USP33: variants seen among roughly 807,000 people sequenced by gnomAD.
The protein encoded by USP33 is ubiquitin carboxyl-terminal hydrolase 33.
In USP33, 46 loss-of-function variants were observed where a neutral mutation model predicts 124.2. That is an observed-to-expected ratio of 0.37 (90% CI 0.29 to 0.47). The LOEUF is 0.47. USP33 is among the 20% of genes least tolerant of loss of function. The pLI is 0.99. For synonymous variants in USP33, 350 were observed against 352.3 expected, an observed-to-expected ratio of 0.99 and a Z score of 0.07; for missense variants, 851 against 1,070.6, an observed-to-expected ratio of 0.79 and a Z score of 2.86.
At chr1:77,720,564 C>CTTA in intron 15 of USP33, 1 of 985,426 alleles carries the variant, frequency 1.0e-6, no homozygotes, top group East Asian at 1.1e-4. Context: ...TATCCCAGAT[C>CTTA]TTATTAGCAA....
At chr1:77,728,243 T>C in intron 10 of USP33, 52 bp downstream of exon 10, 2 of 1,492,416 alleles carry the variant, frequency 1.3e-6, no homozygotes, top group Non-Finnish European at 1.8e-6. Context: ...TAAACACCCA[T>C]GTCTACAAAT....
chr1:77,697,402 A>C lies in USP33; in HGVS notation c.2651T>G (p.Val884Gly). 6.2e-7 allele frequency: 1 copy of C among 1,613,466 alleles called. No homozygotes were observed. Among genetic ancestry groups the C allele is most frequent in the South Asian group, 1.1e-5 (1 of 90,888 alleles). Residue 884 changes from valine to glycine, a missense_variant, in exon 24 of 24, where the codon GTT (valine) becomes GGT (glycine). Val to Gly is a moderately radical substitution (Grantham distance 109). This residue lies in a region of USP33 where 142 missense variants were observed against 141.8 expected (regional missense o/e 1.00). Coordinates refer to ENST00000370794, the MANE Select transcript of USP33 (RefSeq NM_201624.3). ...LQSIYGGGPE[V>G]ILRPPVVHVD... ...ATGAACAACCGGAGGTCGCAGGATA[A>C]CTTCAGGCCCTCCACCATAAATAGA...
chr1:77,712,774 C>T (rs542805641), intron 20 of USP33, among the ~76,000 whole-genome samples: 2 of 152,200 alleles, frequency 1.3e-5, no homozygotes, highest in Admixed American at 1.3e-4. Context: ...GAGAGGACCA[C>T]TGGAGCCTAG....
At chr1:77,708,851 ATTTC>A (rs1570742303) in intron 21 of USP33, among the ~76,000 whole-genome samples, 1 of 151,722 alleles carries the variant, frequency 6.6e-6, no homozygotes, top group Admixed American at 6.6e-5. Context: ...ATTTTGTTTC[ATTTC>A]TTTCTTTTTT....
In USP33 at chr1:77,696,313, A is replaced by G. The variant is rs41306637; in HGVS notation, c.*1004T>C. On this transcript the variant is annotated 3_prime_UTR_variant, in exon 24 of 24. Coordinates refer to ENST00000370794, the MANE Select transcript of USP33 (RefSeq NM_201624.3). ...AAAAAGTGCCCTAAAACTAACTCTA[A>G]GTTTTTTAGTCACTGACATTAATAC... is the stretch of plus-strand genomic sequence containing the variant. The G allele has an allele frequency of 6.5e-6, 1 of 152,796 alleles. No homozygotes were observed. The highest frequency in any genetic ancestry group is 1.5e-5 in the Non-Finnish European group (1 of 68,034). 9.5% of individuals were successfully genotyped at this position (152,796 alleles called of 1,614,324 possible). A position where few individuals can be genotyped will look rare whatever the true frequency, so the allele number is the denominator to read the frequency against.
At chr1:77,699,459 A>G (rs1366189343) in intron 22 of USP33, among the ~76,000 whole-genome samples, 3 of 152,134 alleles carry the variant, frequency 2.0e-5, no homozygotes, top group African/African-American at 7.2e-5. Context: ...GGAGGTTGCA[A>G]TGAGCTGAGA....
At chr1:77,736,673 G>A (rs553440313) in intron 5 of USP33, among the ~76,000 whole-genome samples, 6 of 151,734 alleles carry the variant, frequency 4.0e-5, no homozygotes, top group African/African-American at 7.3e-5. Context: ...GCAGTGGCAC[G>A]ATCTCAGCTC....
At chr1:77,702,523 C>G (rs1674159628) in intron 21 of USP33, among the ~76,000 whole-genome samples, 1 of 152,040 alleles carries the variant, frequency 6.6e-6, no homozygotes, top group Admixed American at 6.6e-5. Context: ...TAAGTAAATT[C>G]TAATAAGTGG....
chr1:77,759,807 G>A lies in USP33; in HGVS notation c.-216C>T, dbSNP rs530958687. On this transcript the variant is annotated 5_prime_UTR_variant, in exon 1 of 24. Coordinates refer to ENST00000370794, the MANE Select transcript of USP33 (RefSeq NM_201624.3). ...GCTGCCCTCGGGGGGTCCGCCTCCT[G>A]AACTGGCCACTTCCCGCAGCAGCCG... 1 of 397,388 alleles carries A rather than the reference G, an allele frequency of 2.5e-6. No homozygotes were observed. The highest frequency in any genetic ancestry group is 4.4e-6 in the Non-Finnish European group (1 of 225,290). The allele number at this position is 397,388 out of a possible 1,614,324, so 24.6% of individuals were successfully genotyped here.
intron 23 of USP33, 77 bp downstream of exon 23, chr1:77,697,786 T>C (rs1673562341): frequency 3.7e-6 from 5 of 1,364,494 alleles, no homozygotes; most frequent in Admixed American, 2.1e-5. Flanking sequence ...AAAAGTACTA[T>C]AGATGACTAA....
intron 5 of USP33, among the ~76,000 whole-genome samples, chr1:77,737,451 A>C (rs1041646488): frequency 6.6e-6 from 1 of 152,218 alleles, no homozygotes; most frequent in Non-Finnish European, 1.5e-5. Flanking sequence ...TACTATCTAG[A>C]AAAAATGTCT....
intron 21 of USP33, among the ~76,000 whole-genome samples, chr1:77,705,875 CT>C (rs1037023441): frequency 4.6e-5 from 7 of 152,054 alleles, no homozygotes; most frequent in Non-Finnish European, 8.8e-5. Context: ...CACTTTTTCC[CT>C]TTTTAGAAAT....
intron 22 of USP33, among the ~76,000 whole-genome samples, chr1:77,698,925 G>A (rs1673714698): frequency 6.6e-6 from 1 of 152,048 alleles, no homozygotes; most frequent in South Asian, 2.1e-4. Context: ...GATTATCAAA[G>A]TAACATTAAG....
intron 10 of USP33, 98 bp downstream of exon 10, chr1:77,728,197 T>A: frequency 7.6e-7 from 1 of 1,311,266 alleles, no homozygotes; most frequent in Non-Finnish European, 1.0e-6. Context: ...TGCTAAACTA[T>A]AATTCTAATT....
At chr1:77,703,983 C>T (rs1263605970) in intron 21 of USP33, among the ~76,000 whole-genome samples, 1 of 152,032 alleles carries the variant, frequency 6.6e-6, no homozygotes, top group Non-Finnish European at 1.5e-5. Context: ...TATGGTGGCA[C>T]ACGCCTATAG....
chr1:77,752,420 T>C lies in USP33; in HGVS notation c.-52+7223A>G, dbSNP rs905565996. On this transcript the variant is annotated intron_variant, in intron 1 of 23. Coordinates refer to ENST00000370794, the MANE Select transcript of USP33 (RefSeq NM_201624.3). The stretch of plus-strand genomic sequence containing the variant: ...TCCCAAAGTGCTGGGATTACAGGAG[T>C]GAGCCACTGCGCCTGGCCTTAATAT... Among the ~76,000 whole-genome samples, 47 of 152,044 alleles carry C rather than the reference T, an allele frequency of 3.1e-4. 1 individual carries two copies. Among genetic ancestry groups the C allele is most frequent in the Non-Finnish European group, 6.2e-4 (42 of 68,022 alleles).
intron 18 of USP33, 88 bp from the exon 19 acceptor site, chr1:77,714,871 C>T: frequency 4.7e-6 from 6 of 1,284,394 alleles, no homozygotes; most frequent in South Asian, 2.6e-5. Flanking sequence ...ACTTAACACA[C>T]ATATTAACAC....
rs1673494057 is a variant in USP33 at position 77,697,099 on chromosome 1, A to G, written c.*218T>C. 1 of 388,200 alleles carries G rather than the reference A, an allele frequency of 2.6e-6. No individual in the cohort carries two copies. Among genetic ancestry groups the G allele is most frequent in the Non-Finnish European group, 4.4e-6 (1 of 225,262 alleles). The allele number at this position is 388,200 out of a possible 1,614,324, so 24.0% of individuals were successfully genotyped here. Reference sequence around the variant, plus strand: ...TCTGTCTCAAAAAAAAATTACACTGAAAGACTTTATGGTAAGTATTTAAAA... The same window carrying G: ...TCTGTCTCAAAAAAAAATTACACTGGAAGACTTTATGGTAAGTATTTAAAA... On this transcript the variant is annotated 3_prime_UTR_variant, in exon 24 of 24. Coordinates refer to ENST00000370794, the MANE Select transcript of USP33 (RefSeq NM_201624.3).
Position 77,750,909 on chromosome 1 carries a change from G to A in USP33, c.-52+8734C>T, listed in dbSNP as rs193086477. On this transcript the variant is annotated intron_variant, in intron 1 of 23. Transcript: ENST00000370794. Reference sequence around the variant, plus strand: ...TTCAGATATAGTAGGGTAAGACAATGGGAGTTCTTAGCTACTTCAATTTCT... The same window carrying A: ...TTCAGATATAGTAGGGTAAGACAATAGGAGTTCTTAGCTACTTCAATTTCT... Among the ~76,000 whole-genome samples the A allele has an allele frequency of 7.2e-5, 11 of 152,242 alleles. No individual in the cohort carries two copies. In the East Asian group the frequency reaches 1.9e-3, roughly 27 times the overall value.
Sources: gnomAD v4.1 joint callset for allele counts (sites outside exome capture counted in the v4.1 genomes callset) on GRCh38, gnomAD v4.1.1 for gene constraint, gnomAD v4.1.1 regional missense constraint, MANE v1.5 for transcripts, NCBI Gene and HGNC (gene_info 2026-07-23, HGNC 2026-07-21) for gene names.